The following GPR39 variants were observed in gnomAD, a reference collection of about 807,000 sequenced individuals.
GPR39 encodes the protein G protein-coupled receptor 39.
In GPR39, 23 loss-of-function variants were observed where a neutral mutation model predicts 18.4. The observed-to-expected ratio is 1.25, with a 90% CI of 0.90 to 1.77. GPR39 has a LOEUF of 1.77. Among genes scored for constraint, GPR39 ranks in the 40% most tolerant of loss-of-function variants. The pLI, the probability that GPR39 is intolerant of heterozygous loss-of-function variation, is 0.00. For synonymous variants in GPR39, 280 were observed against 257.9 expected (o/e 1.09, Z -0.82); for missense variants, 647 against 602.4 (o/e 1.07, Z -0.78).
chr2:132,592,208 C>T (rs931206826), intron 1 of GPR39, among the ~76,000 whole-genome samples: 1 of 152,060 alleles, frequency 6.6e-6, no homozygotes, highest in African/African-American at 2.4e-5. Context: ...AAATGGCAAT[C>T]AGTACTAAAG....
chr2:132,583,127 G>A (rs1401112198), intron 1 of GPR39, among the ~76,000 whole-genome samples: 3 of 151,660 alleles, frequency 2.0e-5, no homozygotes, highest in Non-Finnish European at 4.4e-5. Context: ...TGCCCAGGCT[G>A]GTCTCACACT....
At chr2:132,558,342 T>A (rs1381791035) in intron 1 of GPR39, among the ~76,000 whole-genome samples, 1 of 152,128 alleles carries the variant, frequency 6.6e-6, no homozygotes, top group Non-Finnish European at 1.5e-5. Context: ...GGGGAGGCTC[T>A]CCCACCCCAT....
Position 132,417,323 on chromosome 2 carries a change from T to A in GPR39, c.281T>A (p.Ile94Asn). The stretch of plus-strand genomic sequence containing the variant: ...GGCATGCCCATGGAGTTCTACAGCA[T>A]CATCTGGAATCCCCTGACCACGTCC... ...LIGMPMEFYS[I>N]IWNPLTTSSY... is the part of the protein sequence containing the mutation. The change falls in exon 1 of 2, where the codon ATC (isoleucine) becomes AAC (asparagine). Residue 94 changes from isoleucine (I) to asparagine (N), a missense_variant. Physicochemically the swap from Ile to Asn is moderately radical, Grantham distance 149. Around this residue, in one of 3 missense-constraint regions of GPR39, gnomAD observed 581 missense variants for 506.8 expected, o/e 1.15. Transcript: ENST00000329321. 1 of 1,614,136 alleles carries A rather than the reference T, an allele frequency of 6.2e-7. No individual in the cohort carries two copies. Among genetic ancestry groups the A allele is most frequent in the Non-Finnish European group, 8.5e-7 (1 of 1,180,014 alleles).
chr2:132,584,108 G>A (rs1680678749), intron 1 of GPR39, among the ~76,000 whole-genome samples: 1 of 151,906 alleles, frequency 6.6e-6, no homozygotes, highest in Non-Finnish European at 1.5e-5. Context: ...GTGGCCTTTG[G>A]AGGACAGGTT....
intron 1 of GPR39, among the ~76,000 whole-genome samples, chr2:132,632,097 T>C (rs1681660921): frequency 1.3e-5 from 2 of 152,078 alleles, no homozygotes; most frequent in South Asian, 4.1e-4. Flanking sequence ...GGATTATAGG[T>C]GTGAGTCACT....
At chr2:132,418,925 G>C (rs1679960217) in intron 1 of GPR39, among the ~76,000 whole-genome samples, 1 of 152,130 alleles carries the variant, frequency 6.6e-6, no homozygotes, top group Non-Finnish European at 1.5e-5. Flanking sequence ...ATAAATCATG[G>C]TGCTGTTTGT....
At chr2:132,441,384 C>CTTTT (rs56044915) in intron 1 of GPR39, among the ~76,000 whole-genome samples, 3 of 92,410 alleles carry the variant, frequency 3.2e-5, no homozygotes, top group Admixed American at 1.1e-4. Context: ...TGCATATATG[C>CTTTT]TTTTTTTTTT....
chr2:132,559,695 T>C (rs983266830), intron 1 of GPR39, among the ~76,000 whole-genome samples: 3 of 151,760 alleles, frequency 2.0e-5, no homozygotes, highest in African/African-American at 4.8e-5. Flanking sequence ...CCAAGCAGAG[T>C]GAACAGCATT....
At chr2:132,527,182 C>T (rs971682577) in intron 1 of GPR39, among the ~76,000 whole-genome samples, 7 of 152,100 alleles carry the variant, frequency 4.6e-5, no homozygotes, top group Non-Finnish European at 7.4e-5. Context: ...GGAGTTAGAA[C>T]GTGCTATGTT....
chr2:132,428,417 T>C (rs1472370222), intron 1 of GPR39, among the ~76,000 whole-genome samples: 4 of 152,218 alleles, frequency 2.6e-5, no homozygotes, highest in Admixed American at 6.5e-5. Flanking sequence ...AATGTACCAC[T>C]TGATGCAGGG....
At chr2:132,439,587 A>G (rs1315598589) in intron 1 of GPR39, among the ~76,000 whole-genome samples, 1 of 152,200 alleles carries the variant, frequency 6.6e-6, no homozygotes, top group Non-Finnish European at 1.5e-5. Context: ...CCCTGATTGA[A>G]TGCCTTCCAG....
chr2:132,510,388 C>T (rs1180993188), intron 1 of GPR39, among the ~76,000 whole-genome samples: 5 of 152,122 alleles, frequency 3.3e-5, no homozygotes, highest in Non-Finnish European at 7.4e-5. Flanking sequence ...TCTACTCATG[C>T]CCCACCTGTA....
intron 1 of GPR39, among the ~76,000 whole-genome samples, chr2:132,468,569 A>G (rs900820063): frequency 6.6e-6 from 1 of 152,188 alleles, no homozygotes; most frequent in African/African-American, 2.4e-5. Flanking sequence ...TGGAATGATG[A>G]ATTGAGTTTG....
At chr2:132,456,013 A>C (rs568133376) in intron 1 of GPR39, among the ~76,000 whole-genome samples, 3 of 152,282 alleles carry the variant, frequency 2.0e-5, no homozygotes, top group African/African-American at 7.2e-5. Flanking sequence ...TGCAGATCTG[A>C]GTTCAAGTCC....
At chr2:132,593,931 G>A (rs1033320778) in intron 1 of GPR39, among the ~76,000 whole-genome samples, 11 of 152,118 alleles carry the variant, frequency 7.2e-5, no homozygotes, top group African/African-American at 2.2e-4. Flanking sequence ...GTCACCCATC[G>A]TTGCCTAGAA....
intron 1 of GPR39, among the ~76,000 whole-genome samples, chr2:132,518,711 G>A (rs898733601): frequency 6.6e-5 from 10 of 152,108 alleles, no homozygotes; most frequent in African/African-American, 2.4e-4. Flanking sequence ...ATTTTAAAAA[G>A]TGAAAAAGAA....
intron 1 of GPR39, among the ~76,000 whole-genome samples, chr2:132,472,257 A>G (rs1270733904): frequency 1.3e-5 from 2 of 152,164 alleles, no homozygotes; most frequent in Non-Finnish European, 2.9e-5. Context: ...TGCCATGGAA[A>G]TTCATGTGAG....
At chr2:132,434,963 C>T (rs1680286223) in intron 1 of GPR39, among the ~76,000 whole-genome samples, 3 of 152,056 alleles carry the variant, frequency 2.0e-5, no homozygotes, top group South Asian at 4.1e-4. Context: ...CGCCAGATGA[C>T]GAGGAAGATG....
intron 1 of GPR39, among the ~76,000 whole-genome samples, chr2:132,449,135 G>T (rs759673091): frequency 3.9e-5 from 6 of 152,238 alleles, no homozygotes; most frequent in Admixed American, 6.5e-5. Flanking sequence ...TGAAGCCAGA[G>T]CTGCCATTGC....
Sources: allele counts gnomAD v4.1 joint callset (sites outside exome capture counted in the v4.1 genomes callset), GRCh38; gene constraint gnomAD v4.1.1; regional missense constraint gnomAD v4.1.1; transcripts MANE v1.5; gene names NCBI Gene and HGNC (gene_info 2026-07-23, HGNC 2026-07-21).